Variants in NRP1 observed in about 807,000 individuals in gnomAD.
NRP1 encodes neuropilin-1.
NRP1 carries 35 observed loss-of-function variants against 106.7 expected under a neutral mutation model. The ratio of observed to expected loss-of-function variants is 0.33; its 90% CI spans 0.25 to 0.43. The LOEUF (loss-of-function observed/expected upper bound fraction) is 0.43, where lower values mean the gene tolerates loss of function less well. NRP1 is among the 20% of genes least tolerant of loss of function. NRP1 has a pLI of 1.00. For missense variants in NRP1, 1,024 were observed against 1,170.4 expected, an observed-to-expected ratio of 0.87 and a Z score of 1.83; for synonymous variants, 437 against 417.9, an observed-to-expected ratio of 1.05 and a Z score of -0.56.
intron 2 of NRP1, among the ~76,000 whole-genome samples, chr10:33,309,950 CTTT>C (rs35907466): frequency 6.5e-5 from 9 of 139,526 alleles, no homozygotes; most frequent in East Asian, 2.2e-4. Context: ...CTGTATTTGC[CTTT>C]TTTTTTTTTT....
chr10:33,287,278 C>T (rs1057176866), intron 2 of NRP1, among the ~76,000 whole-genome samples: 5 of 152,114 alleles, frequency 3.3e-5, no homozygotes, highest in African/African-American at 1.2e-4. Flanking sequence ...GTGACAGGCA[C>T]GTTAAACACA....
intron 11 of NRP1, among the ~76,000 whole-genome samples, 188 bp from the exon 12 acceptor site, chr10:33,197,897 T>A (rs75350924): frequency 9.6e-6 from 1 of 104,492 alleles, no homozygotes; most frequent in African/African-American, 3.9e-5. Context: ...TAAACCATTA[T>A]TTTTTTTTTT....
chr10:33,182,826 G>T (rs549904968), intron 15 of NRP1, 78 bp from the exon 16 acceptor site: 58 of 856,840 alleles, frequency 6.8e-5, no homozygotes, highest in Non-Finnish European at 1.0e-4. Context: ...CAAACCTTTA[G>T]GTACATGCAC....
At chr10:33,206,023 G>T in intron 10 of NRP1, 1 of 342,482 alleles carries the variant, frequency 2.9e-6, no homozygotes, top group Non-Finnish European at 5.8e-6. Flanking sequence ...AGGACAGCTT[G>T]GAGGTTAGAA....
chr10:33,299,217 T>C (rs999345092), intron 2 of NRP1, among the ~76,000 whole-genome samples: 4 of 152,082 alleles, frequency 2.6e-5, no homozygotes, highest in Non-Finnish European at 5.9e-5. Context: ...CACCCCACCC[T>C]ACAAAGCAGT....
At chr10:33,222,023 CA>C (rs1407163329) in intron 7 of NRP1, among the ~76,000 whole-genome samples, 160 bp from the exon 8 acceptor site, 1 of 152,162 alleles carries the variant, frequency 6.6e-6, no homozygotes, top group Non-Finnish European at 1.5e-5. Flanking sequence ...TTTCAATTAG[CA>C]ATCAGAATGA....
At chr10:33,237,115 G>A (rs562639237) in intron 6 of NRP1, among the ~76,000 whole-genome samples, 2 of 152,082 alleles carry the variant, frequency 1.3e-5, no homozygotes, top group East Asian at 3.9e-4. Flanking sequence ...TTCACACATC[G>A]TAGCCACTCA....
At chr10:33,303,202 G>T (rs767732579) in intron 2 of NRP1, among the ~76,000 whole-genome samples, 7 of 152,152 alleles carry the variant, frequency 4.6e-5, no homozygotes, top group Non-Finnish European at 5.9e-5. Flanking sequence ...AACTGGGTGA[G>T]TAGATCAAAG....
At chr10:33,210,634 T>C (rs1279894420) in intron 9 of NRP1, among the ~76,000 whole-genome samples, 1 of 152,216 alleles carries the variant, frequency 6.6e-6, no homozygotes, top group African/African-American at 2.4e-5. Flanking sequence ...CGACCTTCTC[T>C]CTGTTGCTAA....
chr10:33,180,135 C>T lies in NRP1; in HGVS notation c.2713G>A (p.Asp905Asn). ...TTGTCTTTTTTCAACTTCACACCAT[C>T]CACAAGTTCAAAGTTATAGTTCTCC... ...ALENYNFELV[D>N]GVKLKKDKLN... Residue 905 changes from aspartate (D) to asparagine (N), a missense_variant, in exon 17 of 17, where the codon GAT becomes AAT. Transcript: ENST00000374867. The T allele has an allele frequency of 1.2e-6, 2 of 1,614,186 alleles. No individual in the cohort carries two copies. The highest frequency in any genetic ancestry group is 1.7e-6 in the Non-Finnish European group (2 of 1,180,040).
intron 6 of NRP1, among the ~76,000 whole-genome samples, chr10:33,229,733 G>A (rs1000320756): frequency 6.6e-6 from 1 of 152,076 alleles, no homozygotes; most frequent in Non-Finnish European, 1.5e-5. Flanking sequence ...AGAGGAAGGA[G>A]CAATTGACTG....
chr10:33,233,646 A>G (rs1429812442), intron 6 of NRP1, among the ~76,000 whole-genome samples: 6 of 152,238 alleles, frequency 3.9e-5, no homozygotes, highest in Non-Finnish European at 8.8e-5. Context: ...TTGAGCTAGC[A>G]TTGGCAAGGG....
intron 2 of NRP1, among the ~76,000 whole-genome samples, chr10:33,322,918 G>A (rs935023605): frequency 6.6e-6 from 1 of 152,166 alleles, no homozygotes. Flanking sequence ...GTGTGACTTT[G>A]ATCACAAAGA....
At position 33,179,944 on chromosome 10, in the gene NRP1, C is replaced by T. The variant is rs926063762; in HGVS notation, c.*132G>A. On this transcript the variant is annotated 3_prime_UTR_variant, in exon 17 of 17. Transcript: ENST00000374867. Reference sequence around the variant, plus strand: ...TGTCTGTCGGCCATACTCATTGAAGCTCCTGAGAAAAGCCTGGCTCAGTGG... The same window carrying T: ...TGTCTGTCGGCCATACTCATTGAAGTTCCTGAGAAAAGCCTGGCTCAGTGG... 9.1e-6 allele frequency: 8 copies of T among 874,664 alleles called. No homozygotes were observed. Among genetic ancestry groups the T allele is most frequent in the African/African-American group, 3.4e-5 (2 of 59,580 alleles). The allele number at this position is 874,664 out of a possible 1,614,324, so 54.2% of individuals were successfully genotyped here. A position where few individuals can be genotyped will look rare whatever the true frequency, so the allele number is the denominator to read the frequency against.
chr10:33,320,712 TCAATA>T (rs1378874403), intron 2 of NRP1, among the ~76,000 whole-genome samples: 2 of 152,234 alleles, frequency 1.3e-5, no homozygotes, highest in African/African-American at 4.8e-5. Flanking sequence ...CATTTTGAGT[TCAATA>T]CAAGTGTCAG....
intron 7 of NRP1, among the ~76,000 whole-genome samples, chr10:33,223,724 T>C (rs1051874787): frequency 6.6e-6 from 1 of 152,222 alleles, no homozygotes; most frequent in Non-Finnish European, 1.5e-5. Context: ...TTTTGATTTC[T>C]GCCCTAAATC....
intron 11 of NRP1, chr10:33,202,532 A>C: frequency 1.5e-6 from 2 of 1,297,108 alleles, no homozygotes; most frequent in Non-Finnish European, 2.0e-6. Flanking sequence ...AACATTCTGA[A>C]GTGTGTGGTT....
At chr10:33,285,426 G>C (rs1844449311) in intron 2 of NRP1, among the ~76,000 whole-genome samples, 1 of 152,192 alleles carries the variant, frequency 6.6e-6, no homozygotes, top group South Asian at 2.1e-4. Context: ...ATATTCTGAT[G>C]AAAGACAAAT....
intron 8 of NRP1, among the ~76,000 whole-genome samples, chr10:33,217,013 C>T (rs1414926260): frequency 1.3e-5 from 2 of 152,064 alleles, no homozygotes; most frequent in Non-Finnish European, 2.9e-5. Flanking sequence ...AGAATATACT[C>T]AGTCGGGATT....
Sources: allele counts gnomAD v4.1 joint callset (sites outside exome capture counted in the v4.1 genomes callset), GRCh38; gene constraint gnomAD v4.1.1; transcripts MANE v1.5; gene names NCBI Gene and HGNC (gene_info 2026-07-23, HGNC 2026-07-21).